The following GPR39 variants were observed in gnomAD, a reference collection of about 807,000 sequenced individuals.
The protein encoded by GPR39 is zinc sensing receptor.
A neutral mutation model predicts 18.4 loss-of-function variants in GPR39; 23 were observed. The ratio of observed to expected loss-of-function variants is 1.25; its 90% CI spans 0.90 to 1.77. GPR39 has a LOEUF of 1.77. Ranked by LOEUF, GPR39 falls within the 40% of genes most tolerant of loss-of-function variation. GPR39 has a pLI of 0.00. For missense variants in GPR39, 647 were observed against 602.4 expected (o/e 1.07, Z -0.78); for synonymous variants, 280 against 257.9 (o/e 1.09, Z -0.82).
At chr2:132,578,000 C>T (rs1418746661) in intron 1 of GPR39, among the ~76,000 whole-genome samples, 1 of 151,114 alleles carries the variant, frequency 6.6e-6, no homozygotes, top group East Asian at 1.9e-4. Flanking sequence ...GTAACGTTAA[C>T]TGTAGGGTTT....
At chr2:132,584,250 G>A (rs1357225682) in intron 1 of GPR39, among the ~76,000 whole-genome samples, 1 of 152,170 alleles carries the variant, frequency 6.6e-6, no homozygotes, top group African/African-American at 2.4e-5. Context: ...GCTGCAATGA[G>A]TCCTGAGAAC....
intron 1 of GPR39, among the ~76,000 whole-genome samples, chr2:132,427,067 T>C (rs1405605782): frequency 6.8e-6 from 1 of 146,882 alleles, no homozygotes; most frequent in Non-Finnish European, 1.5e-5. Flanking sequence ...TATATATATA[T>C]ATGTACCTAT....
At chr2:132,549,698 G>C (rs1315005144) in intron 1 of GPR39, among the ~76,000 whole-genome samples, 1 of 152,104 alleles carries the variant, frequency 6.6e-6, no homozygotes, top group African/African-American at 2.4e-5. Context: ...TGAGGCAGGA[G>C]AATCGCTTGA....
At chr2:132,495,280 A>G (rs1681618815) in intron 1 of GPR39, among the ~76,000 whole-genome samples, 1 of 152,182 alleles carries the variant, frequency 6.6e-6, no homozygotes. Flanking sequence ...ATTTGTCAAG[A>G]AAGATTTGAG....
Position 132,416,923 on chromosome 2 carries a change from G to T in GPR39, c.-120G>T. The T allele has an allele frequency of 7.9e-7, 1 of 1,263,274 alleles. No individual in the cohort carries two copies. The highest frequency in any genetic ancestry group is 1.1e-6 in the Non-Finnish European group (1 of 909,598). The allele number at this position is 1,263,274 out of a possible 1,614,324, so 78.3% of individuals were successfully genotyped here. On this transcript the variant is annotated 5_prime_UTR_variant, in exon 1 of 2. Coordinates refer to ENST00000329321, the MANE Select transcript of GPR39 (RefSeq NM_001508.3). ...TAAGTTACCTTCGCGAGGAGAACTCGAGTGAGATAAAATCGTGCGCCCACG... is the reference window on the plus strand; with the variant it reads ...TAAGTTACCTTCGCGAGGAGAACTCTAGTGAGATAAAATCGTGCGCCCACG...
intron 1 of GPR39, among the ~76,000 whole-genome samples, chr2:132,549,157 A>C (rs1242315245): frequency 6.6e-6 from 1 of 152,142 alleles, no homozygotes; most frequent in Non-Finnish European, 1.5e-5. Flanking sequence ...CTTGCCTTTC[A>C]ATGGAGCCTG....
At chr2:132,511,853 AG>A (rs1317200187) in intron 1 of GPR39, among the ~76,000 whole-genome samples, 1 of 152,186 alleles carries the variant, frequency 6.6e-6, no homozygotes, top group East Asian at 1.9e-4. Flanking sequence ...TGAGAGCCAA[AG>A]TCCAAGCAAA....
At chr2:132,554,685 A>C (rs903620429) in intron 1 of GPR39, among the ~76,000 whole-genome samples, 1 of 152,186 alleles carries the variant, frequency 6.6e-6, no homozygotes, top group Non-Finnish European at 1.5e-5. Flanking sequence ...GAGAGGGGGC[A>C]GATTAAAATG....
At chr2:132,509,510 A>G (rs573146141) in intron 1 of GPR39, among the ~76,000 whole-genome samples, 4 of 152,290 alleles carry the variant, frequency 2.6e-5, no homozygotes, top group African/African-American at 9.6e-5. Flanking sequence ...CTTAGGAGCT[A>G]TGAATACATT....
intron 1 of GPR39, among the ~76,000 whole-genome samples, chr2:132,623,056 G>A (rs1681469646): frequency 6.6e-6 from 1 of 152,158 alleles, no homozygotes; most frequent in African/African-American, 2.4e-5. Context: ...AGGTTGCAGT[G>A]AGCTAAGATC....
chr2:132,558,376 C>T (rs941118335), intron 1 of GPR39, among the ~76,000 whole-genome samples: 1 of 152,062 alleles, frequency 6.6e-6, no homozygotes, highest in Non-Finnish European at 1.5e-5. Context: ...CAAGGAATCC[C>T]ACACACCTCA....
At chr2:132,573,065 A>G (rs942827436) in intron 1 of GPR39, among the ~76,000 whole-genome samples, 1 of 152,106 alleles carries the variant, frequency 6.6e-6, no homozygotes, top group Non-Finnish European at 1.5e-5. Context: ...CATGGGCTGT[A>G]TGTCCCATCA....
intron 1 of GPR39, among the ~76,000 whole-genome samples, chr2:132,516,189 C>A (rs1438149698): frequency 1.3e-5 from 2 of 152,170 alleles, no homozygotes; most frequent in Non-Finnish European, 2.9e-5. Context: ...CTTGGCCATT[C>A]TTTACTGGCT....
chr2:132,553,957 C>G (rs1680100938), intron 1 of GPR39, among the ~76,000 whole-genome samples: 4 of 152,144 alleles, frequency 2.6e-5, no homozygotes, highest in Admixed American at 2.6e-4. Flanking sequence ...TCAGAAGATG[C>G]TTGTTGCCAC....
chr2:132,645,375 T>C lies in GPR39; in HGVS notation c.1131T>C (p.His377=). The C allele has an allele frequency of 1.2e-6, 2 of 1,613,894 alleles. No homozygotes were observed. The highest frequency in any genetic ancestry group is 4.5e-5 in the East Asian group (2 of 44,866). The change falls in exon 2 of 2, where the codon CAT becomes CAC. Residue 377 remains histidine, a synonymous_variant. Transcript: ENST00000329321. The stretch of plus-strand genomic sequence containing the variant: ...ACCACGAGAAGCGCCTGCGCGTACA[T>C]GCGCACTCCACCACCGACAGCGCCC... ...HANHEKRLRV[H]AHSTTDSARF...
intron 1 of GPR39, among the ~76,000 whole-genome samples, chr2:132,586,896 T>C (rs1680740856): frequency 6.6e-6 from 1 of 152,224 alleles, no homozygotes; most frequent in South Asian, 2.1e-4. Flanking sequence ...TTTAGTTCTT[T>C]AGGTTTTCTT....
chr2:132,511,232 A>C (rs62169689), intron 1 of GPR39, among the ~76,000 whole-genome samples: 1 of 152,124 alleles, frequency 6.6e-6, no homozygotes, highest in African/African-American at 2.4e-5. Flanking sequence ...TCCAAACCAA[A>C]CCTGATATTT....
intron 1 of GPR39, among the ~76,000 whole-genome samples, chr2:132,609,728 C>T (rs1681207602): frequency 6.6e-6 from 1 of 152,158 alleles, no homozygotes; most frequent in African/African-American, 2.4e-5. Flanking sequence ...GCCAAAAGAC[C>T]CTCTGCCTTT....
intron 1 of GPR39, among the ~76,000 whole-genome samples, chr2:132,616,896 G>A (rs950319526): frequency 3.9e-5 from 6 of 152,160 alleles, no homozygotes; most frequent in African/African-American, 1.2e-4. Context: ...CCCCGCTCCC[G>A]CCACGGTCCC....
Sources: allele counts gnomAD v4.1 joint callset (sites outside exome capture counted in the v4.1 genomes callset), GRCh38; gene constraint gnomAD v4.1.1; transcripts MANE v1.5; gene names NCBI Gene and HGNC (gene_info 2026-07-23, HGNC 2026-07-21).